Variants in RNF19A observed in about 807,000 individuals in gnomAD.
The protein encoded by RNF19A is E3 ubiquitin-protein ligase RNF19A.
RNF19A carries 32 observed loss-of-function variants against 75.7 expected under a neutral mutation model. The ratio of observed to expected loss-of-function variants is 0.42; its 90% CI spans 0.32 to 0.57. The LOEUF is 0.57. Ranked by LOEUF, RNF19A falls within the 20% of genes least tolerant of loss-of-function variation. RNF19A has a pLI of 0.10. For missense variants in RNF19A, 782 were observed against 1,036.3 expected (o/e 0.75, Z 3.37); for synonymous variants, 335 against 345.2 (o/e 0.97, Z 0.33).
At position 100,288,046 on chromosome 8, in the gene RNF19A, A is replaced by T; in HGVS notation, c.129T>A (p.Asp43Glu). The T allele has an allele frequency of 6.2e-7, 1 of 1,614,206 alleles. No individual in the cohort carries two copies. ...SLHRQMGSDR[D>E]LQSSASSVSL... ...TCACAGATGAAGCAGAGGACTGAAGATCTCGATCTGAACCCATTTGCCGAT... is the reference window on the plus strand; with the variant it reads ...TCACAGATGAAGCAGAGGACTGAAGTTCTCGATCTGAACCCATTTGCCGAT... The change falls in exon 2 of 10, where the codon GAT becomes GAA. Residue 43 changes from aspartate to glutamate, a missense_variant. Asp to Glu is a conservative substitution (Grantham distance 45). Transcript: ENST00000341084.
intron 1 of RNF19A, chr8:100,309,214 AC>A (rs1223734313): frequency 1.5e-6 from 1 of 670,818 alleles, no homozygotes; most frequent in Non-Finnish European, 1.8e-6. Flanking sequence ...CCCCGTTAAC[AC>A]ATACTTCACC....
chr8:100,309,536 G>T lies in RNF19A; in HGVS notation c.-94+331C>A, dbSNP rs1161451593. On this transcript the variant is annotated intron_variant, in intron 1 of 9. Coordinates refer to ENST00000341084, the MANE Select transcript of RNF19A (RefSeq NM_183419.4). ...CGCCTCGGCCCGTCATAATATCGCCGGGCCGGCCGCCGGCCGCACAGGCAC... is the reference window on the plus strand; with the variant it reads ...CGCCTCGGCCCGTCATAATATCGCCTGGCCGGCCGCCGGCCGCACAGGCAC... 6 of 985,242 alleles carry T rather than the reference G, an allele frequency of 6.1e-6. No individual in the cohort carries two copies. The South Asian group carries it at 1.4e-4, about 23-fold the overall frequency. The allele number at this position is 985,242 out of a possible 1,614,324, so 61.0% of individuals were successfully genotyped here.
At position 100,322,472 on chromosome 8, in the gene RNF19A, G is replaced by A. The variant is rs1329736349; in HGVS notation, c.-242-9100C>T. On this transcript the variant is annotated intron_variant, in intron 1 of 3. Transcript: ENST00000519527. The surrounding 1 kb of genome is among the most constrained non-coding windows in gnomAD (Gnocchi z 5.1). ...TGCCCTGGATTAGGCTTTGGCTTAAGGTTTAATCTTCTATTCAGACCATTT... is the reference window on the plus strand; with the variant it reads ...TGCCCTGGATTAGGCTTTGGCTTAAAGTTTAATCTTCTATTCAGACCATTT... 6.6e-6 allele frequency among the ~76,000 whole-genome samples: 1 copy of A among 152,208 alleles called. No individual in the cohort carries two copies. The highest frequency in any genetic ancestry group is 1.5e-5 in the Non-Finnish European group (1 of 68,034).
At position 100,287,897 on chromosome 8, in the gene RNF19A, C is replaced by CT. The variant is rs1821100895; in HGVS notation, c.277dup (p.Ser93LysfsTer3). The CT allele has an allele frequency of 6.2e-7, 1 of 1,614,028 alleles. No individual in the cohort carries two copies. The highest frequency in any genetic ancestry group is 8.5e-7 in the Non-Finnish European group (1 of 1,180,034). On this transcript the variant is annotated frameshift_variant, in exon 2 of 10. Coordinates refer to ENST00000341084, the MANE Select transcript of RNF19A (RefSeq NM_183419.4). LOFTEE classifies it high-confidence loss of function. This position sits in a 1 kb window ranked among gnomAD's most constrained non-coding sequence, Gnocchi z 4.1. ...CATTTCAGAATGTATACTTTCAATA[C>CT]TTGCAATTCCATCCACCCCGCCATT...
rs1331191611 is a variant in RNF19A, at chr8:100,291,121, TTTG to T, written c.-93-2857_-93-2855del. On this transcript the variant is annotated intron_variant, in intron 1 of 9. Transcript: ENST00000341084. ...GTCAAAAGACCTGGCTCAGCTATTT[TTTG>T]TTATCATATCCTAGGTAAGATATAT... Among the ~76,000 whole-genome samples the T allele has an allele frequency of 2.6e-5, 4 of 152,312 alleles. No individual in the cohort carries two copies. The East Asian group carries it at 5.8e-4, about 22-fold the overall frequency.
chr8:100,279,616 A>C (rs144122203), intron 2 of RNF19A, among the ~76,000 whole-genome samples: 335 of 152,246 alleles, frequency 2.2e-3, no homozygotes, highest in African/African-American at 7.5e-3. Context: ...GCAGTGGCAC[A>C]ATCTTGGCTC....
chr8:100,259,755 A>G lies in RNF19A; in HGVS notation c.1826+99T>C, dbSNP rs1819625658. 2 of 1,048,018 alleles carry G rather than the reference A, an allele frequency of 1.9e-6. No individual in the cohort carries two copies. Among genetic ancestry groups the G allele is most frequent in the Non-Finnish European group, 2.8e-6 (2 of 723,316 alleles). 64.9% of individuals were successfully genotyped at this position (1,048,018 alleles called of 1,614,324 possible). The stretch of plus-strand genomic sequence containing the variant: ...CTGTTTCCTTTTCTCAGAGAACTTA[A>G]TAGTTGGTAGCCACTTTTCACTGGT... On this transcript the variant is annotated intron_variant, in intron 9 of 9. Coordinates refer to ENST00000341084, the MANE Select transcript of RNF19A (RefSeq NM_183419.4). This position sits in a 1 kb window ranked among gnomAD's most constrained non-coding sequence, Gnocchi z 4.5.
At chr8:100,295,274 C>T (rs1821500802) in intron 1 of RNF19A, among the ~76,000 whole-genome samples, 1 of 152,142 alleles carries the variant, frequency 6.6e-6, no homozygotes, top group Non-Finnish European at 1.5e-5. Flanking sequence ...TATCAAAATC[C>T]ATTTTAAAGC....
At position 100,264,794 on chromosome 8, in the gene RNF19A, A is replaced by T; in HGVS notation, c.1192-9T>A. 6.3e-7 allele frequency: 1 copy of T among 1,588,996 alleles called. No homozygotes were observed. Among genetic ancestry groups the T allele is most frequent in the Non-Finnish European group, 8.6e-7 (1 of 1,157,540 alleles). The stretch of plus-strand genomic sequence containing the variant: ...TCATAGCGATTGTGAATCTTGAATT[A>T]ATAAAAATAGGGGTGGGGGATTAAA... On this transcript the variant is annotated splice_polypyrimidine_tract_variant and intron_variant, in intron 5 of 9. Coordinates refer to ENST00000341084, the MANE Select transcript of RNF19A (RefSeq NM_183419.4). This position sits in a 1 kb window ranked among gnomAD's most constrained non-coding sequence, Gnocchi z 4.7.
At chr8:100,286,098 G>A (rs956201212) in intron 2 of RNF19A, among the ~76,000 whole-genome samples, 1 of 152,142 alleles carries the variant, frequency 6.6e-6, no homozygotes, top group Non-Finnish European at 1.5e-5. Context: ...GTTATGCAGG[G>A]GTCAGTCCAT....
In RNF19A at chr8:100,327,737, C is replaced by T. The variant is rs567333410; in HGVS notation, c.-243+8371G>A. On this transcript the variant is annotated intron_variant, in intron 1 of 3. Coordinates refer to the RNF19A transcript ENST00000519527. ...TTCCCTTTAGGAAAACATCCGGTTC[C>T]TCTTTTGAAAATAACACAAAAAGGG... 5.9e-5 allele frequency among the ~76,000 whole-genome samples: 9 copies of T among 152,246 alleles called. No individual in the cohort carries two copies. The South Asian group carries it at 1.9e-3, about 32-fold the overall frequency.
intron 1 of RNF19A, among the ~76,000 whole-genome samples, chr8:100,316,919 G>A (rs1283879976): frequency 4.6e-5 from 7 of 152,224 alleles, no homozygotes; most frequent in South Asian, 2.1e-4. Flanking sequence ...GCCCTGCCCC[G>A]CGGGAAGGCA....
intron 1 of RNF19A, among the ~76,000 whole-genome samples, chr8:100,296,393 C>T (rs745766993): frequency 8.7e-4 from 133 of 152,328 alleles, no homozygotes; most frequent in Non-Finnish European, 1.5e-3. Context: ...GCGTAAGCCA[C>T]CACGACCAGC....
intron 1 of RNF19A, among the ~76,000 whole-genome samples, chr8:100,303,927 ACT>A (rs1821956788): frequency 6.6e-6 from 1 of 151,300 alleles, no homozygotes; most frequent in African/African-American, 2.4e-5. Flanking sequence ...ACAGAGTGAA[ACT>A]CTGTCTCCAA....
intron 3 of RNF19A, among the ~76,000 whole-genome samples, chr8:100,271,680 A>G (rs564013818): frequency 2.6e-5 from 4 of 152,318 alleles, no homozygotes; most frequent in Admixed American, 1.3e-4. Flanking sequence ...TATTTTTGAT[A>G]GGTCTCTATA....
chr8:100,287,368 A>T lies in RNF19A; in HGVS notation c.674+133T>A. On this transcript the variant is annotated intron_variant, in intron 2 of 9. Coordinates refer to ENST00000341084, the MANE Select transcript of RNF19A (RefSeq NM_183419.4). This position sits in a 1 kb window ranked among gnomAD's most constrained non-coding sequence, Gnocchi z 4.1. ...TTTAACACCTAGCATAGTGCCTGACATATGGTGTGCACTCAACATGTCTGT... is the reference window on the plus strand; with the variant it reads ...TTTAACACCTAGCATAGTGCCTGACTTATGGTGTGCACTCAACATGTCTGT... 1 of 721,218 alleles carries T rather than the reference A, an allele frequency of 1.4e-6. No individual in the cohort carries two copies. Among genetic ancestry groups the T allele is most frequent in the Non-Finnish European group, 2.3e-6 (1 of 441,178 alleles). 44.7% of individuals were successfully genotyped at this position (721,218 alleles called of 1,614,324 possible).
intron 1 of RNF19A, among the ~76,000 whole-genome samples, chr8:100,318,489 CA>C (rs947733707): frequency 4.6e-5 from 7 of 151,874 alleles, no homozygotes; most frequent in Non-Finnish European, 1.0e-4. Context: ...TACATGCACA[CA>C]AAAAAATGGG....
intron 5 of RNF19A, among the ~76,000 whole-genome samples, chr8:100,265,779 T>C (rs1467365606): frequency 6.6e-6 from 1 of 152,192 alleles, no homozygotes; most frequent in Non-Finnish European, 1.5e-5. Context: ...GATGCATGTA[T>C]GGGACAAGAA....
rs1353243296 is a variant in RNF19A at position 100,329,742 on chromosome 8, C to A, written c.-243+6366G>T. ...AGAGCAGAAATGAAGTGTCTTCCAA[C>A]ACTTAAAGGATCGTCTGATGAAAGA... On this transcript the variant is annotated intron_variant, in intron 1 of 3. Transcript: ENST00000519527. The surrounding 1 kb of genome is among the most constrained non-coding windows in gnomAD (Gnocchi z 4.3). 1.3e-5 allele frequency among the ~76,000 whole-genome samples: 2 copies of A among 152,184 alleles called. No homozygotes were observed. Among genetic ancestry groups the A allele is most frequent in the Non-Finnish European group, 2.9e-5 (2 of 68,032 alleles).
Sources: allele counts gnomAD v4.1 joint callset (sites outside exome capture counted in the v4.1 genomes callset), GRCh38; gene constraint gnomAD v4.1.1; non-coding constraint Gnocchi (gnomAD v3.1); transcripts MANE v1.5; gene names NCBI Gene and HGNC (gene_info 2026-07-23, HGNC 2026-07-21).